CDK19: variants seen among roughly 807,000 people sequenced by gnomAD.
The protein encoded by CDK19 is cyclin-dependent kinase 19.
A neutral mutation model predicts 68.3 loss-of-function variants in CDK19; 20 were observed. The ratio of observed to expected loss-of-function variants is 0.29; its 90% confidence interval spans 0.21 to 0.43. The LOEUF (loss-of-function observed/expected upper bound fraction) is 0.43. Among genes scored for constraint, CDK19 ranks in the 20% least tolerant of loss-of-function variants. The pLI is 1.00. For synonymous variants in CDK19, 221 were observed against 222.8 expected (o/e 0.99, Z 0.07); for missense variants, 339 against 623.5 (o/e 0.54, Z 4.86).
At chr6:110,658,229 T>A (rs746699502) in intron 4 of CDK19, among the ~76,000 whole-genome samples, 10 of 152,176 alleles carry the variant, frequency 6.6e-5, no homozygotes, top group Admixed American at 4.6e-4. Context: ...TATCAAGGAC[T>A]CAGCTTTAAG....
In CDK19 at chr6:110,640,134, T is replaced by G. The variant is rs1055077434; in HGVS notation, c.457-1428A>C. Among the ~76,000 whole-genome samples, 6 of 150,864 alleles carry G rather than the reference T, an allele frequency of 4.0e-5. No homozygotes were observed. In the South Asian group the frequency reaches 1.3e-3, roughly 32 times the overall value. On this transcript the variant is annotated intron_variant, in intron 4 of 12. Coordinates refer to ENST00000368911, the MANE Select transcript of CDK19 (RefSeq NM_015076.5). ...TACTCAGGAGGCTGAGGCGGAAGGA[T>G]TGCTTGAGTCTAGCAGATTGAGGCT...
chr6:110,691,191 GAGGCC>G (rs1772953862), intron 2 of CDK19, among the ~76,000 whole-genome samples: 2 of 152,032 alleles, frequency 1.3e-5, no homozygotes, highest in Non-Finnish European at 2.9e-5. Context: ...AAGAAAACCC[GAGGCC>G]AGATGGGGTG....
intron 2 of CDK19, among the ~76,000 whole-genome samples, chr6:110,702,680 G>T (rs1295092974): frequency 2.6e-5 from 4 of 151,930 alleles, no homozygotes; most frequent in Non-Finnish European, 5.9e-5. Flanking sequence ...AAAAAAATAA[G>T]ATCTGTATTG....
chr6:110,623,392 T>G, intron 8 of CDK19, 30 bp from the exon 9 acceptor site: 1 of 1,601,846 alleles, frequency 6.2e-7, no homozygotes. Context: ...CACACATCAC[T>G]GGGAACACTC....
intron 1 of CDK19, among the ~76,000 whole-genome samples, chr6:110,796,953 T>C (rs1781980533): frequency 6.8e-6 from 1 of 147,772 alleles, no homozygotes; most frequent in Non-Finnish European, 1.5e-5. Context: ...GAGGTTGCAG[T>C]GAGCCAAGAT....
intron 1 of CDK19, among the ~76,000 whole-genome samples, chr6:110,763,749 G>A (rs1478473805): frequency 6.6e-6 from 1 of 152,046 alleles, no homozygotes; most frequent in Non-Finnish European, 1.5e-5. Flanking sequence ...TAGACTGCAA[G>A]TCTTAGCTAA....
intron 4 of CDK19, among the ~76,000 whole-genome samples, chr6:110,663,265 C>T (rs1298415436): frequency 6.6e-5 from 10 of 152,190 alleles, no homozygotes; most frequent in African/African-American, 2.2e-4. Flanking sequence ...AAACTAGTCA[C>T]TGACTACAAC....
chr6:110,714,110 C>T (rs4610603), intron 2 of CDK19, among the ~76,000 whole-genome samples: 100,082 of 151,996 alleles, frequency 0.66, 34,446 homozygotes, highest in Admixed American at 0.81. Flanking sequence ...TTCATCCCAG[C>T]CCCTGGCAAC....
intron 6 of CDK19, among the ~76,000 whole-genome samples, chr6:110,631,506 G>A (rs1387153702): frequency 6.6e-6 from 1 of 152,176 alleles, no homozygotes; most frequent in Non-Finnish European, 1.5e-5. Context: ...GCAAGACGCT[G>A]AGCACAGCTA....
At chr6:110,798,506 C>A (rs1422130334) in intron 1 of CDK19, among the ~76,000 whole-genome samples, 1 of 151,624 alleles carries the variant, frequency 6.6e-6, no homozygotes, top group East Asian at 1.9e-4. Flanking sequence ...CACCTGTAAT[C>A]CCAGCTACTC....
At chr6:110,632,304 T>C (rs560066498) in intron 5 of CDK19, 143 bp from the exon 6 acceptor site, 37 of 619,032 alleles carry the variant, frequency 6.0e-5, no homozygotes, top group Non-Finnish European at 8.8e-5. Flanking sequence ...TATAAAGCAA[T>C]CCTTTTCCTC....
At chr6:110,706,136 T>C (rs905571880) in intron 2 of CDK19, among the ~76,000 whole-genome samples, 1 of 152,026 alleles carries the variant, frequency 6.6e-6, no homozygotes, top group African/African-American at 2.4e-5. Flanking sequence ...TACTGCAGCC[T>C]CTGCCTCCTG....
chr6:110,652,990 G>A (rs945547738), intron 4 of CDK19, among the ~76,000 whole-genome samples: 5 of 152,122 alleles, frequency 3.3e-5, no homozygotes, highest in Non-Finnish European at 5.9e-5. Flanking sequence ...GGCTCCTGTA[G>A]TCAAGTTAAG....
At chr6:110,701,616 T>C (rs1774017486) in intron 2 of CDK19, among the ~76,000 whole-genome samples, 1 of 151,394 alleles carries the variant, frequency 6.6e-6, no homozygotes, top group Non-Finnish European at 1.5e-5. Context: ...CGAACAGACA[T>C]TTCACAAAAA....
intron 2 of CDK19, among the ~76,000 whole-genome samples, chr6:110,697,631 A>G (rs1440031016): frequency 6.6e-6 from 1 of 152,140 alleles, no homozygotes; most frequent in Admixed American, 6.5e-5. Flanking sequence ...AAATACCGTC[A>G]TCATTCTTCA....
chr6:110,814,877 G>C (rs766572282), intron 1 of CDK19, 132 bp downstream of exon 1: 1 of 1,250,112 alleles, frequency 8.0e-7, no homozygotes, highest in African/African-American at 1.6e-5. Context: ...GTCGGTGTCC[G>C]GACGCAACCC....
chr6:110,701,110 A>G (rs375450466), intron 2 of CDK19, among the ~76,000 whole-genome samples: 65 of 152,316 alleles, frequency 4.3e-4, no homozygotes, highest in Middle Eastern at 3.4e-3. Context: ...AGGCTGAGGC[A>G]GGAGAATTCC....
At chr6:110,636,088 C>A (rs1268317884) in intron 5 of CDK19, among the ~76,000 whole-genome samples, 1 of 152,046 alleles carries the variant, frequency 6.6e-6, no homozygotes, top group Non-Finnish European at 1.5e-5. Context: ...ACTGGCCTGG[C>A]CAGAGTACAG....
chr6:110,731,403 A>G (rs1301944598), intron 2 of CDK19, among the ~76,000 whole-genome samples: 1 of 152,164 alleles, frequency 6.6e-6, no homozygotes, highest in Admixed American at 6.6e-5. Flanking sequence ...CAGAAAGTAG[A>G]TTTAGATTAG....
Sources: gnomAD v4.1 joint callset for allele counts (sites outside exome capture counted in the v4.1 genomes callset) on GRCh38, gnomAD v4.1.1 for gene constraint, MANE v1.5 for transcripts, NCBI Gene and HGNC (gene_info 2026-07-23, HGNC 2026-07-21) for gene names.